Variants in EEIG1 observed in about 807,000 individuals in gnomAD.
EEIG1 encodes early estrogen-induced gene 1 protein.
the EEIG1 span, among the ~76,000 whole-genome samples, chr9:127,966,233 G>A: frequency 1.3e-3 from 197 of 152,240 alleles, 1 homozygote; most frequent in Non-Finnish European, 2.2e-3. Flanking sequence ...TTAGGTGAAA[G>A]GATCCCAGAG....
the EEIG1 span, among the ~76,000 whole-genome samples, chr9:127,966,870 G>GT: frequency 3.3e-5 from 5 of 152,194 alleles, no homozygotes; most frequent in Admixed American, 6.5e-5. Flanking sequence ...CACATGGGAG[G>GT]TAACGGGTGG....
the EEIG1 span, among the ~76,000 whole-genome samples, chr9:127,952,479 T>C: frequency 6.6e-6 from 1 of 152,226 alleles, no homozygotes; most frequent in African/African-American, 2.4e-5. Context: ...GCCAGAGCTG[T>C]CTTCTCCCTC....
At chr9:127,949,384 G>A in the EEIG1 span, among the ~76,000 whole-genome samples, 7 of 151,506 alleles carry the variant, frequency 4.6e-5, no homozygotes, top group South Asian at 1.5e-3. Flanking sequence ...ACTCGGCCAT[G>A]AAAGCATCCT....
At chr9:127,973,911 C>T in the EEIG1 span, among the ~76,000 whole-genome samples, 5 of 152,208 alleles carry the variant, frequency 3.3e-5, no homozygotes, top group African/African-American at 1.2e-4. The surrounding 1 kb of genome is among the most constrained non-coding windows in gnomAD (Gnocchi z 4.2). Context: ...GGGCAGCCCA[C>T]GTCAAGAGGC....
the EEIG1 span, chr9:127,972,596 G>A: frequency 6.6e-6 from 1 of 152,344 alleles, no homozygotes; most frequent in Admixed American, 6.5e-5. The surrounding 1 kb of genome is among the most constrained non-coding windows in gnomAD (Gnocchi z 4.3). Context: ...CCTTGCCCAA[G>A]GTCACACAGG....
At chr9:127,967,238 G>A in the EEIG1 span, among the ~76,000 whole-genome samples, 1 of 152,164 alleles carries the variant, frequency 6.6e-6, no homozygotes, top group Non-Finnish European at 1.5e-5. Flanking sequence ...CAGCAGGCAA[G>A]CTCTGCAGAA....
the EEIG1 span, chr9:127,980,217 C>A: frequency 6.9e-7 from 1 of 1,450,546 alleles, no homozygotes. Context: ...CACCACACCC[C>A]CTCCTCAAAA....
At chr9:127,980,063 G>A in the EEIG1 span, 1 of 1,613,900 alleles carries the variant, frequency 6.2e-7, no homozygotes, top group South Asian at 1.1e-5. Flanking sequence ...CGTTCACGAA[G>A]GGAACCGCAG....
chr9:127,966,178 T>C, the EEIG1 span, among the ~76,000 whole-genome samples: 1 of 151,810 alleles, frequency 6.6e-6, no homozygotes, highest in Non-Finnish European at 1.5e-5. Flanking sequence ...GGGCACAGGG[T>C]GGAGGGAAGC....
chr9:127,977,966 C>T, the EEIG1 span, among the ~76,000 whole-genome samples: 2 of 152,320 alleles, frequency 1.3e-5, no homozygotes, highest in African/African-American at 4.8e-5. Flanking sequence ...CAATGTCACT[C>T]AGCCAGTGAG....
the EEIG1 span, among the ~76,000 whole-genome samples, chr9:127,963,958 G>T: frequency 1.3e-5 from 2 of 152,158 alleles, no homozygotes; most frequent in Non-Finnish European, 2.9e-5. Context: ...AGCCTCCCTG[G>T]ATAGTGACAT....
the EEIG1 span, among the ~76,000 whole-genome samples, chr9:127,967,573 C>G: frequency 6.6e-6 from 1 of 152,254 alleles, no homozygotes; most frequent in Non-Finnish European, 1.5e-5. Context: ...GCTGTGGTAG[C>G]AGCTTCCCCT....
chr9:127,980,321 G>A, the EEIG1 span: 2 of 581,476 alleles, frequency 3.4e-6, no homozygotes, highest in Non-Finnish European at 5.8e-6. Context: ...CCAGTTCGCG[G>A]GCCGGCGGGC....
the EEIG1 span, chr9:127,945,039 T>A: frequency 9.6e-7 from 1 of 1,038,378 alleles, no homozygotes; most frequent in Non-Finnish European, 1.4e-6. This position sits in a 1 kb window ranked among gnomAD's most constrained non-coding sequence, Gnocchi z 6.5. Flanking sequence ...CACTGAAACC[T>A]CACATGCACA....
At chr9:127,969,470 C>G in the EEIG1 span, among the ~76,000 whole-genome samples, 2 of 152,184 alleles carry the variant, frequency 1.3e-5, no homozygotes, top group South Asian at 4.1e-4. Flanking sequence ...CTTTACTGAG[C>G]CCGTACTCCA....
At chr9:127,942,896 C>A in the EEIG1 span, 2 of 473,098 alleles carry the variant, frequency 4.2e-6, no homozygotes, top group Non-Finnish European at 7.8e-6. Flanking sequence ...CCGGTCCTTG[C>A]CAGCTCCTTC....
the EEIG1 span, chr9:127,954,077 C>T: frequency 2.3e-6 from 2 of 861,644 alleles, no homozygotes; most frequent in African/African-American, 1.7e-5. Flanking sequence ...GTTTTCACCA[C>T]AAGAATGTAC....
At chr9:127,977,539 G>A in the EEIG1 span, among the ~76,000 whole-genome samples, 1 of 152,184 alleles carries the variant, frequency 6.6e-6, no homozygotes, top group African/African-American at 2.4e-5. Context: ...CCTGCTGACT[G>A]GATCTGGTCC....
chr9:127,953,284 CTTAATCTATCCAATAA>C, the EEIG1 span: 1 of 481,764 alleles, frequency 2.1e-6, no homozygotes, highest in African/African-American at 1.9e-5. Context: ...CTGGAAAGGT[CTTAATCTATCCAATAA>C]TGGGGTCCCA....
Sources: allele counts gnomAD v4.1 joint callset (sites outside exome capture counted in the v4.1 genomes callset), GRCh38; gene constraint gnomAD v4.1.1; non-coding constraint Gnocchi (gnomAD v3.1); transcripts MANE v1.5; gene names NCBI Gene and HGNC (gene_info 2026-07-23, HGNC 2026-07-21).